The following CPEB2 variants were observed in gnomAD, a reference collection of about 807,000 sequenced individuals.
The protein encoded by CPEB2 is cytoplasmic polyadenylation element binding protein 2.
Under a neutral mutation model 93.6 loss-of-function variants are expected in CPEB2, and 56 were observed. That is an observed-to-expected ratio of 0.60 (90% CI 0.48 to 0.75). CPEB2 has a LOEUF of 0.75. Ranked by LOEUF, CPEB2 falls within the 30% of genes least tolerant of loss-of-function variation. The pLI, the probability that CPEB2 is intolerant of heterozygous loss-of-function variation, is 0.00. For missense variants in CPEB2, 1,579 were observed against 1,395.1 expected (o/e 1.13, Z -2.10); for synonymous variants, 764 against 586.3 (o/e 1.30, Z -4.38).
At position 15,003,204 on chromosome 4, in the gene CPEB2, G is replaced by C. The variant is rs761314238; in HGVS notation, c.531G>C (p.Gln177His). Residue 177 changes from glutamine to histidine, a missense_variant, in exon 1 of 12, where the codon CAG becomes CAC. Transcript: ENST00000538197. ...GGCAGCAGCAGCAGCTGAGCAGCCA[G>C]AAGAGGAAAGAGTTCAGCCCTCCCC... is the stretch of plus-strand genomic sequence containing the variant. ...SKRQQQQLSSQKRKEFSPPHL... is the reference protein window; with the variant it reads ...SKRQQQQLSSHKRKEFSPPHL... 2.0e-3 allele frequency: 3,011 copies of C among 1,534,050 alleles called. 6 individuals carry two copies. The highest frequency in any genetic ancestry group is 2.5e-3 in the Non-Finnish European group (2,847 of 1,146,214).
Position 15,052,584 on chromosome 4 carries a change from G to A in CPEB2, c.2371G>A (p.Asp791Asn). ...VGGLPPDIDEDEITASFRRFG... is the reference protein window; with the variant it reads ...VGGLPPDIDENEITASFRRFG... ...TGGTCTTCCTCCAGATATTGATGAA[G>A]GTATTTATTAAGATATTTATTAACA... Residue 791 changes from aspartate to asparagine, a missense_variant and splice_region_variant, in exon 7 of 12, where the codon GAT (aspartate) becomes AAT (asparagine). Coordinates refer to ENST00000538197, the MANE Select transcript of CPEB2 (RefSeq NM_001177382.2). 1 of 1,493,824 alleles carries A rather than the reference G, an allele frequency of 6.7e-7. No individual in the cohort carries two copies. Among genetic ancestry groups the A allele is most frequent in the Non-Finnish European group, 9.0e-7 (1 of 1,107,596 alleles). The allele number at this position is 1,493,824 out of a possible 1,614,324, so 92.5% of individuals were successfully genotyped here.
chr4:15,019,304 C>CT (rs981429057), intron 4 of CPEB2, among the ~76,000 whole-genome samples: 42 of 151,784 alleles, frequency 2.8e-4, no homozygotes, highest in African/African-American at 8.9e-4. Flanking sequence ...AGTGCTGCCA[C>CT]TTTAAGTCTT....
At chr4:15,061,356 A>G (rs953516346) in intron 10 of CPEB2, among the ~76,000 whole-genome samples, 3 of 152,104 alleles carry the variant, frequency 2.0e-5, no homozygotes, top group African/African-American at 7.2e-5. Context: ...GACTCAGAAG[A>G]AATGTATCAG....
Position 15,003,003 on chromosome 4 carries a change from G to A in CPEB2, c.330G>A (p.Ser110=). The A allele has an allele frequency of 6.7e-7, 1 of 1,496,738 alleles. No individual in the cohort carries two copies. The highest frequency in any genetic ancestry group is 8.8e-7 in the Non-Finnish European group (1 of 1,134,372). The allele number at this position is 1,496,738 out of a possible 1,614,324, so 92.7% of individuals were successfully genotyped here. The part of the protein sequence containing the change: ...GLTQQPARPL[S]GAAATEKLPD... ...CACAGCAGCCGGCGCGGCCGCTTTC[G>A]GGGGCGGCGGCCACGGAGAAACTCC... The change falls in exon 1 of 12, where the codon TCG becomes TCA. Residue 110 remains serine (S), a synonymous_variant. Transcript: ENST00000538197.
At chr4:15,048,446 GA>G (rs751868863) in intron 6 of CPEB2, among the ~76,000 whole-genome samples, 2 of 151,526 alleles carry the variant, frequency 1.3e-5, no homozygotes, top group South Asian at 4.1e-4. Flanking sequence ...TGCCATTTTT[GA>G]AAAGCTGCAT....
chr4:15,058,917 G>GT (rs959776573), intron 9 of CPEB2, among the ~76,000 whole-genome samples: 19 of 152,142 alleles, frequency 1.2e-4, no homozygotes, highest in African/African-American at 4.6e-4. Flanking sequence ...ATGATCTGAG[G>GT]TGGAACACTT....
At chr4:15,051,390 T>G (rs1728205947) in intron 6 of CPEB2, among the ~76,000 whole-genome samples, 4 of 152,328 alleles carry the variant, frequency 2.6e-5, no homozygotes, top group Admixed American at 2.6e-4. Context: ...CAACCTTGAC[T>G]ATTCCTTATT....
At chr4:15,012,397 A>C (rs1723606377) in intron 3 of CPEB2, among the ~76,000 whole-genome samples, 1 of 152,190 alleles carries the variant, frequency 6.6e-6, no homozygotes. Context: ...GTTCGAAATT[A>C]ATAAAGAAAA....
chr4:15,056,203 A>G (rs1001141919), intron 8 of CPEB2, among the ~76,000 whole-genome samples: 3 of 152,298 alleles, frequency 2.0e-5, no homozygotes, highest in East Asian at 3.9e-4. Context: ...AATTACTTCA[A>G]GTAGATGGGG....
rs115198143 is a variant in CPEB2, at chr4:15,028,942, A to C, written c.2126-4219A>C. 2.3e-3 allele frequency among the ~76,000 whole-genome samples: 357 copies of C among 152,258 alleles called. 3 individuals are homozygous for C. Among genetic ancestry groups the C allele is most frequent in the South Asian group, 0.018 (88 of 4,830 alleles). ...TTTTAGTTGCTCAGATAATACATTT[A>C]AAGTGGCTAACATGAAGTAAGGCTT... On this transcript the variant is annotated intron_variant, in intron 4 of 11. Coordinates refer to ENST00000538197, the MANE Select transcript of CPEB2 (RefSeq NM_001177382.2).
Position 15,002,716 on chromosome 4 carries a change from C to T in CPEB2, c.43C>T (p.Arg15Ter). 1.3e-6 allele frequency: 2 copies of T among 1,527,288 alleles called. No individual in the cohort carries two copies. The highest frequency in any genetic ancestry group is 1.2e-5 in the South Asian group (1 of 83,080). The allele number at this position is 1,527,288 out of a possible 1,614,324, so 94.6% of individuals were successfully genotyped here. The change falls in exon 1 of 12, where the codon CGA becomes TGA. Residue 15 changes from arginine (R) to a stop codon, truncating the protein, a stop_gained. Transcript: ENST00000538197. LOFTEE classifies it high-confidence loss of function. The part of the protein sequence containing the change: ...GFGVLQTAPL[R>*]SSSPGPLFCG... Reference sequence around the variant, plus strand: ...TGGGGTGCTGCAGACCGCCCCGCTCCGAAGTAGCAGTCCTGGGCCCCTGTT... The same window carrying T: ...TGGGGTGCTGCAGACCGCCCCGCTCTGAAGTAGCAGTCCTGGGCCCCTGTT...
chr4:15,009,518 G>A (rs1402367154), intron 3 of CPEB2, among the ~76,000 whole-genome samples: 1 of 152,108 alleles, frequency 6.6e-6, no homozygotes, highest in Non-Finnish European at 1.5e-5. Flanking sequence ...GTCCAGTTAA[G>A]CCTTATTAGT....
At chr4:15,030,738 G>A (rs915672701) in intron 4 of CPEB2, among the ~76,000 whole-genome samples, 1 of 152,006 alleles carries the variant, frequency 6.6e-6, no homozygotes, top group Non-Finnish European at 1.5e-5. Flanking sequence ...TAGGTAGCGA[G>A]CTGTAGTATT....
intron 10 of CPEB2, among the ~76,000 whole-genome samples, chr4:15,060,237 G>A (rs1358996716): frequency 6.6e-6 from 1 of 152,144 alleles, no homozygotes; most frequent in Non-Finnish European, 1.5e-5. Flanking sequence ...AGGAGTGAGG[G>A]AAGGGGTCAA....
intron 4 of CPEB2, among the ~76,000 whole-genome samples, chr4:15,020,092 A>G (rs938842212): frequency 2.0e-5 from 3 of 152,048 alleles, no homozygotes; most frequent in African/African-American, 7.2e-5. Context: ...ACCTCTCTAC[A>G]GGGCTGTAAA....
chr4:15,013,786 T>G (rs1258687883), intron 3 of CPEB2, among the ~76,000 whole-genome samples: 1 of 152,110 alleles, frequency 6.6e-6, no homozygotes, highest in Non-Finnish European at 1.5e-5. Flanking sequence ...GGGATGCAGC[T>G]GATGCTTTAC....
chr4:15,033,241 C>G, intron 5 of CPEB2, 30 bp downstream of exon 5: 1 of 1,385,854 alleles, frequency 7.2e-7, no homozygotes, highest in Non-Finnish European at 1.0e-6. Flanking sequence ...TTTATGTTTC[C>G]AGTTGATTTA....
chr4:15,068,723 T>C lies in CPEB2; in HGVS notation c.*2343T>C, dbSNP rs981786206. 1 of 152,278 alleles carries C rather than the reference T, an allele frequency of 6.6e-6. No individual in the cohort carries two copies. The highest frequency in any genetic ancestry group is 2.4e-5 in the African/African-American group (1 of 41,430). 9.4% of individuals were successfully genotyped at this position (152,278 alleles called of 1,614,324 possible). On this transcript the variant is annotated 3_prime_UTR_variant, in exon 12 of 12. Transcript: ENST00000538197. The stretch of plus-strand genomic sequence containing the variant: ...ATTATATAATTAAAATAATTGGAGA[T>C]GTTGAAAATCATTTTCCCTTCTTAA...
At position 15,003,508 on chromosome 4, in the gene CPEB2, G is replaced by T. The variant is rs1022482831; in HGVS notation, c.835G>T (p.Ala279Ser). 3.5e-6 allele frequency: 5 copies of T among 1,415,768 alleles called. No individual in the cohort carries two copies. The East Asian group carries it at 1.2e-4, about 35-fold the overall frequency. The allele number at this position is 1,415,768 out of a possible 1,614,324, so 87.7% of individuals were successfully genotyped here. ...PAAPRRRHGGAGSPRKTPAAG... is the reference protein window; with the variant it reads ...PAAPRRRHGGSGSPRKTPAAG... ...AGCCCCGCGGCGCCGCCACGGAGGC[G>T]CGGGCAGCCCTCGCAAGACCCCAGC... is the stretch of plus-strand genomic sequence containing the variant. Residue 279 changes from alanine (A) to serine (S), a missense_variant, in exon 1 of 12, where the codon GCG (alanine) becomes TCG (serine). This residue lies in a region of CPEB2 where 1,411 missense variants were observed against 1,056.0 expected (regional missense o/e 1.34). Coordinates refer to ENST00000538197, the MANE Select transcript of CPEB2 (RefSeq NM_001177382.2).
Sources: allele counts gnomAD v4.1 joint callset (sites outside exome capture counted in the v4.1 genomes callset), GRCh38; gene constraint gnomAD v4.1.1; regional missense constraint gnomAD v4.1.1; transcripts MANE v1.5; gene names NCBI Gene and HGNC (gene_info 2026-07-23, HGNC 2026-07-21).